ZNF407: variants seen among roughly 807,000 people sequenced by gnomAD.
ZNF407 encodes the protein zinc finger protein 407.
In ZNF407, 17 loss-of-function variants were observed where a neutral mutation model predicts 131.2. The ratio of observed to expected loss-of-function variants is 0.13; its 90% confidence interval spans 0.09 to 0.19. The LOEUF is 0.19. ZNF407 is among the 10% of genes least tolerant of loss of function. ZNF407 has a pLI of 1.00. For synonymous variants in ZNF407, 1,156 were observed against 1,062.0 expected, an observed-to-expected ratio of 1.09 and a Z score of -1.72; for missense variants, 2,681 against 2,830.6, an observed-to-expected ratio of 0.95 and a Z score of 1.20.
Position 74,634,493 on chromosome 18 carries a change from C to G in ZNF407, c.3474C>G (p.Phe1158Leu), listed in dbSNP as rs1984332944. Residue 1158 changes from phenylalanine (F) to leucine (L), a missense_variant, in exon 2 of 9, where the codon TTC becomes TTG. This residue lies in a region of ZNF407 where 1,789 missense variants were observed against 1,748.7 expected (regional missense o/e 1.02). Coordinates refer to ENST00000299687, the MANE Select transcript of ZNF407 (RefSeq NM_017757.3). ...TTGAGACTGAAGAAGAATCTAATTTCAATGAAGACCATTCCTTTTGTGAGA... is the reference window on the plus strand; with the variant it reads ...TTGAGACTGAAGAAGAATCTAATTTGAATGAAGACCATTCCTTTTGTGAGA... The part of the protein sequence containing the change: ...VEVETEEESN[F>L]NEDHSFCETF... 1 of 1,613,658 alleles carries G rather than the reference C, an allele frequency of 6.2e-7. No homozygotes were observed. The highest frequency in any genetic ancestry group is 8.5e-7 in the Non-Finnish European group (1 of 1,179,898).
rs1315588328 is a variant in ZNF407, at chr18:74,804,191, GTGTGATGTA to G, written c.4877+22690_4877+22698del. ...CTTCTTTGCATACTTGAATTCATTTGTGTGATGTAAATCATCACACAAATGTAGGCTAGT... is the reference window on the plus strand; with the variant it reads ...CTTCTTTGCATACTTGAATTCATTTGAATCATCACACAAATGTAGGCTAGT... On this transcript the variant is annotated intron_variant, in intron 4 of 8. Transcript: ENST00000299687. 1.4e-5 allele frequency: 19 copies of G among 1,355,326 alleles called. No homozygotes were observed. In the African/African-American group the frequency reaches 2.8e-4, roughly 20 times the overall value. 84.0% of individuals were successfully genotyped at this position (1,355,326 alleles called of 1,614,324 possible).
At chr18:74,742,739 C>T (rs796231767) in intron 3 of ZNF407, among the ~76,000 whole-genome samples, 22 of 152,092 alleles carry the variant, frequency 1.4e-4, no homozygotes, top group African/African-American at 5.3e-4. Flanking sequence ...CTCCTGTGTA[C>T]TCCAAGAGCA....
intron 4 of ZNF407, among the ~76,000 whole-genome samples, chr18:74,868,716 G>A (rs895118896): frequency 1.1e-4 from 17 of 152,154 alleles, no homozygotes; most frequent in Non-Finnish European, 2.2e-4. Context: ...CTCTGTCCTT[G>A]AGACTTGTCT....
chr18:74,759,757 C>T (rs1969049708), intron 3 of ZNF407, among the ~76,000 whole-genome samples: 1 of 147,520 alleles, frequency 6.8e-6, no homozygotes. Context: ...CCATAATTCT[C>T]TTATTTTCCT....
intron 4 of ZNF407, among the ~76,000 whole-genome samples, chr18:74,813,673 A>C (rs1377388310): frequency 6.6e-6 from 1 of 152,014 alleles, no homozygotes; most frequent in Non-Finnish European, 1.5e-5. Context: ...ATGGGGGAGG[A>C]GGTGGCATCT....
At chr18:75,052,622 G>T (rs1038134978) in intron 8 of ZNF407, among the ~76,000 whole-genome samples, 2 of 152,200 alleles carry the variant, frequency 1.3e-5, no homozygotes, top group Non-Finnish European at 2.9e-5. Context: ...TGTTAAGTGG[G>T]CAACTGGTTG....
At chr18:74,659,669 GAC>G (rs1985627259) in intron 3 of ZNF407, among the ~76,000 whole-genome samples, 1 of 152,142 alleles carries the variant, frequency 6.6e-6, no homozygotes, top group African/African-American at 2.4e-5. Context: ...TCAGTAAAAA[GAC>G]ACAGCAGCAA....
chr18:74,843,377 T>C (rs1308093440), intron 4 of ZNF407, among the ~76,000 whole-genome samples: 1 of 152,216 alleles, frequency 6.6e-6, no homozygotes, highest in Non-Finnish European at 1.5e-5. Flanking sequence ...AAAAATTGCA[T>C]AGTTTTTACC....
intron 8 of ZNF407, among the ~76,000 whole-genome samples, chr18:75,017,056 CA>C (rs1973053136): frequency 6.6e-6 from 1 of 152,034 alleles, no homozygotes; most frequent in South Asian, 2.1e-4. Context: ...TCAATTCAGC[CA>C]TTTTTTTCTT....
rs982332400 is a variant in ZNF407 at position 74,833,141 on chromosome 18, T to A, written c.4878-44056T>A. Among the ~76,000 whole-genome samples, 2 of 152,158 alleles carry A rather than the reference T, an allele frequency of 1.3e-5. 1 individual carries two copies. Among genetic ancestry groups the A allele is most frequent in the South Asian group, 4.2e-4 (2 of 4,816 alleles). On this transcript the variant is annotated intron_variant, in intron 4 of 8. Coordinates refer to ENST00000299687, the MANE Select transcript of ZNF407 (RefSeq NM_017757.3). ...GGAAGCCAGATAGAACACCTCTGAA[T>A]AGATTACACAACAAGGAAAGGGACA...
intron 4 of ZNF407, among the ~76,000 whole-genome samples, chr18:74,826,085 G>A (rs575300603): frequency 6.6e-6 from 1 of 152,144 alleles, no homozygotes; most frequent in African/African-American, 2.4e-5. Context: ...ATTTCCATGA[G>A]TTTTTATTAT....
intron 3 of ZNF407, among the ~76,000 whole-genome samples, chr18:74,670,128 G>T (rs1206256565): frequency 6.6e-6 from 1 of 152,168 alleles, no homozygotes; most frequent in Non-Finnish European, 1.5e-5. Flanking sequence ...TCTGATCACC[G>T]TGCCAGGCAT....
intron 8 of ZNF407, among the ~76,000 whole-genome samples, chr18:74,943,171 C>T (rs189850692): frequency 1.3e-5 from 2 of 152,264 alleles, no homozygotes; most frequent in Admixed American, 6.5e-5. Flanking sequence ...CTGCCTTGGC[C>T]TCCCAAAGTG....
At chr18:74,626,135 G>T (rs1023879786) in intron 1 of ZNF407, among the ~76,000 whole-genome samples, 1 of 152,186 alleles carries the variant, frequency 6.6e-6, no homozygotes, top group Non-Finnish European at 1.5e-5. Context: ...AAAGTATTCA[G>T]TGCCATCACT....
rs1421241321 is a variant in ZNF407 at position 74,690,917 on chromosome 18, A to G, written c.4802+49795A>G. On this transcript the variant is annotated intron_variant, in intron 3 of 8. Transcript: ENST00000299687. ...ATTTTTAGTTGTTCAGCTTTTCAAT[A>G]CTTGTGGAACCAATTTTTAAAAACC... Among the ~76,000 whole-genome samples, 3 of 152,210 alleles carry G rather than the reference A, an allele frequency of 2.0e-5. No homozygotes were observed. In the East Asian group the frequency reaches 5.8e-4, roughly 29 times the overall value.
At chr18:74,844,255 CCT>C (rs1323116527) in intron 4 of ZNF407, among the ~76,000 whole-genome samples, 1 of 152,090 alleles carries the variant, frequency 6.6e-6, no homozygotes, top group Non-Finnish European at 1.5e-5. Context: ...AGAATCCTCC[CCT>C]GAGTTTCCGC....
chr18:74,724,946 C>T (rs771829148), intron 3 of ZNF407, among the ~76,000 whole-genome samples: 18 of 152,182 alleles, frequency 1.2e-4, no homozygotes, highest in Non-Finnish European at 2.6e-4. Flanking sequence ...ATCAATTTAA[C>T]ATCTGTGAGG....
intron 8 of ZNF407, among the ~76,000 whole-genome samples, chr18:74,970,693 C>T (rs145874413): frequency 2.9e-3 from 438 of 152,330 alleles, no homozygotes; most frequent in Non-Finnish European, 5.2e-3. Context: ...GGCTGCTTTC[C>T]TGGGCTGGTG....
intron 8 of ZNF407, among the ~76,000 whole-genome samples, chr18:75,039,383 C>G (rs1227597591): frequency 6.6e-6 from 1 of 151,854 alleles, no homozygotes; most frequent in Non-Finnish European, 1.5e-5. Context: ...CGTGTGGATC[C>G]TTCAAAGGAA....
Sources: gnomAD v4.1 joint callset for allele counts (sites outside exome capture counted in the v4.1 genomes callset) on GRCh38, gnomAD v4.1.1 for gene constraint, gnomAD v4.1.1 regional missense constraint, MANE v1.5 for transcripts, NCBI Gene and HGNC (gene_info 2026-07-23, HGNC 2026-07-21) for gene names.